Variants in RAB33B observed in about 807,000 individuals in gnomAD.
RAB33B encodes the protein ras-related protein Rab-33B.
A neutral mutation model predicts 15.0 loss-of-function variants in RAB33B; 6 were observed. That is an observed-to-expected ratio of 0.40 (90% confidence interval 0.22 to 0.79). RAB33B has a LOEUF of 0.79. Among genes scored for constraint, RAB33B ranks in the 30% least tolerant of loss-of-function variants. The pLI is 0.37. For synonymous variants in RAB33B, 117 were observed against 108.3 expected (o/e 1.08, Z -0.50); for missense variants, 257 against 296.4 (o/e 0.87, Z 0.98).
chr4:139,440,616 T>A, the RAB33B span, among the ~76,000 whole-genome samples: 1 of 86,534 alleles, frequency 1.2e-5, no homozygotes. Context: ...AATTGACCAA[T>A]TTTTTTTTTT....
At chr4:139,453,197 C>T (rs574465307), upstream of RAB33B, 1 of 152,344 alleles carries the variant, frequency 6.6e-6, no homozygotes, top group Admixed American at 6.5e-5. Context: ...CTAGTAACTA[C>T]CAGGTTCAAC....
At chr4:139,457,111 AG>A (rs1561002966) in intron 1 of RAB33B, among the ~76,000 whole-genome samples, 1 of 152,250 alleles carries the variant, frequency 6.6e-6, no homozygotes, top group African/African-American at 2.4e-5. Context: ...ATCATGGACT[AG>A]AAAATTTTCA....
the RAB33B span, among the ~76,000 whole-genome samples, chr4:139,445,861 A>C: frequency 6.6e-6 from 1 of 152,292 alleles, no homozygotes; most frequent in South Asian, 2.1e-4. Context: ...ATCACAGTAG[A>C]GGCCTCTAGG....
chr4:139,458,854 C>G (rs1454111770), intron 1 of RAB33B, among the ~76,000 whole-genome samples: 1 of 152,182 alleles, frequency 6.6e-6, no homozygotes, highest in Non-Finnish European at 1.5e-5. Flanking sequence ...AAGGGATGAA[C>G]TAATTTACAC....
At chr4:139,461,446 C>T (rs1019490773) in intron 1 of RAB33B, among the ~76,000 whole-genome samples, 1 of 152,154 alleles carries the variant, frequency 6.6e-6, no homozygotes, top group African/African-American at 2.4e-5. Flanking sequence ...CCTCAGTTTC[C>T]TCATCTGAAG....
At chr4:139,448,906 A>C (rs1252801615), upstream of RAB33B, 1 of 152,144 alleles carries the variant, frequency 6.6e-6, no homozygotes, top group Non-Finnish European at 1.5e-5. Context: ...ATGGGTAGGA[A>C]TGTGAATCTG....
At chr4:139,458,757 TC>T (rs758985165) in intron 1 of RAB33B, among the ~76,000 whole-genome samples, 69 of 150,364 alleles carry the variant, frequency 4.6e-4, no homozygotes, top group Non-Finnish European at 8.5e-4. Flanking sequence ...TGATTTATGT[TC>T]CTTTGAGTGT....
intron 1 of RAB33B, among the ~76,000 whole-genome samples, chr4:139,456,799 G>T (rs1290517245): frequency 6.6e-6 from 1 of 152,152 alleles, no homozygotes; most frequent in Admixed American, 6.5e-5. Flanking sequence ...GCTATGTTGG[G>T]CATTTTTTAA....
rs541431509 is a variant in RAB33B at position 139,472,349 on chromosome 4, T to A, written c.250-337T>A. Among the ~76,000 whole-genome samples the A allele has an allele frequency of 4.6e-5, 7 of 152,326 alleles. No individual in the cohort carries two copies. The South Asian group carries it at 1.4e-3, about 32-fold the overall frequency. On this transcript the variant is annotated intron_variant, in intron 1 of 1. Coordinates refer to ENST00000305626, the MANE Select transcript of RAB33B (RefSeq NM_031296.3). The stretch of plus-strand genomic sequence containing the variant: ...TGTATAGTAACCAAATTTACAGGAA[T>A]TAAATGCTTAACATGTTAACACCTG...
chr4:139,457,558 G>A (rs1750091412), intron 1 of RAB33B, among the ~76,000 whole-genome samples: 1 of 152,116 alleles, frequency 6.6e-6, no homozygotes, highest in Non-Finnish European at 1.5e-5. Flanking sequence ...AGTGCAAAAT[G>A]TTAATATTAA....
chr4:139,450,918 T>TTTTGA (rs1749906840), upstream of RAB33B: 1 of 151,428 alleles, frequency 6.6e-6, no homozygotes, highest in Non-Finnish European at 1.5e-5. Flanking sequence ...TTTTTTTTTT[T>TTTTGA]GAGACACAGT....
At chr4:139,446,917 G>A in the RAB33B span, among the ~76,000 whole-genome samples, 6 of 152,212 alleles carry the variant, frequency 3.9e-5, no homozygotes, top group Non-Finnish European at 8.8e-5. Flanking sequence ...CCAGCTACCC[G>A]ATGGCATGTT....
intron 1 of RAB33B, among the ~76,000 whole-genome samples, chr4:139,458,920 T>C (rs1247897065): frequency 6.6e-6 from 1 of 152,210 alleles, no homozygotes; most frequent in African/African-American, 2.4e-5. Context: ...CAGCATATGT[T>C]ATTTTTTGAC....
chr4:139,462,646 G>T (rs1294691332), intron 1 of RAB33B, among the ~76,000 whole-genome samples: 1 of 152,160 alleles, frequency 6.6e-6, no homozygotes, highest in African/African-American at 2.4e-5. Flanking sequence ...TTTGCTTTTT[G>T]TATGTGGAGT....
chr4:139,453,750 G>C (rs999041049), upstream of RAB33B: 1 of 153,922 alleles, frequency 6.5e-6, no homozygotes, highest in Non-Finnish European at 1.4e-5. Flanking sequence ...GAGAGTGCCC[G>C]TGGTACCTCC....
chr4:139,463,913 T>G (rs1750221490), intron 1 of RAB33B, among the ~76,000 whole-genome samples: 1 of 152,248 alleles, frequency 6.6e-6, no homozygotes. Context: ...TTTTGAAGCT[T>G]CTTTTTAGAT....
the RAB33B span, among the ~76,000 whole-genome samples, chr4:139,445,163 T>G: frequency 6.6e-6 from 1 of 152,252 alleles, no homozygotes; most frequent in South Asian, 2.1e-4. Flanking sequence ...GTACGTGGTA[T>G]GTAGCCATTG....
Position 139,472,915 on chromosome 4 carries a change from C to A in RAB33B, c.479C>A (p.Thr160Lys). The part of the protein sequence containing the change: ...CDLRSAIQVP[T>K]DLAQKFADTH... ...TTGAGAAGTGCCATACAGGTACCCACAGACTTGGCACAAAAATTTGCTGAC... is the reference window on the plus strand; with the variant it reads ...TTGAGAAGTGCCATACAGGTACCCAAAGACTTGGCACAAAAATTTGCTGAC... The change falls in exon 2 of 2, where the codon ACA becomes AAA. Residue 160 changes from threonine to lysine, a missense_variant. Transcript: ENST00000305626. The A allele has an allele frequency of 6.2e-7, 1 of 1,614,178 alleles. No homozygotes were observed. Among genetic ancestry groups the A allele is most frequent in the Non-Finnish European group, 8.5e-7 (1 of 1,180,026 alleles).
At chr4:139,469,056 T>A (rs1387973794) in intron 1 of RAB33B, among the ~76,000 whole-genome samples, 1 of 152,204 alleles carries the variant, frequency 6.6e-6, no homozygotes, top group African/African-American at 2.4e-5. Flanking sequence ...GGGTTAAATC[T>A]GTTTGGTGTT....
Sources: allele counts gnomAD v4.1 joint callset (sites outside exome capture counted in the v4.1 genomes callset), GRCh38; gene constraint gnomAD v4.1.1; transcripts MANE v1.5; gene names NCBI Gene and HGNC (gene_info 2026-07-23, HGNC 2026-07-21).